Variants in RGS17 observed in about 807,000 individuals in gnomAD.
RGS17 encodes regulator of G protein signaling 17, also known as regulator of G-protein signaling 17.
A neutral mutation model predicts 25.5 loss-of-function variants in RGS17; 12 were observed. The ratio of observed to expected loss-of-function variants is 0.47; its 90% CI spans 0.30 to 0.76. The LOEUF is 0.76. Ranked by LOEUF, RGS17 falls within the 30% of genes least tolerant of loss-of-function variation. The pLI, the probability that RGS17 is intolerant of heterozygous loss-of-function variation, is 0.07. For synonymous variants in RGS17, 71 were observed against 76.9 expected, an observed-to-expected ratio of 0.92 and a Z score of 0.40; for missense variants, 196 against 242.2, an observed-to-expected ratio of 0.81 and a Z score of 1.27.
At chr6:153,088,378 A>C (rs1777081121) in intron 1 of RGS17, among the ~76,000 whole-genome samples, 1 of 152,202 alleles carries the variant, frequency 6.6e-6, no homozygotes, top group Non-Finnish European at 1.5e-5. Context: ...GTTGAGTTTG[A>C]TATAAGACTG....
chr6:153,107,265 G>A (rs1474522814), intron 1 of RGS17, among the ~76,000 whole-genome samples: 5 of 151,980 alleles, frequency 3.3e-5, no homozygotes, highest in African/African-American at 7.2e-5. Flanking sequence ...CCCGGGAGGT[G>A]GAGCTTGCAG....
At chr6:153,041,140 G>A (rs1038164139) in intron 2 of RGS17, among the ~76,000 whole-genome samples, 1 of 152,070 alleles carries the variant, frequency 6.6e-6, no homozygotes, top group Non-Finnish European at 1.5e-5. Flanking sequence ...AATCAAGCCT[G>A]CATGACAGAG....
chr6:153,070,931 AC>A (rs1776789263), intron 1 of RGS17, among the ~76,000 whole-genome samples: 1 of 150,446 alleles, frequency 6.6e-6, no homozygotes, highest in African/African-American at 2.4e-5. Context: ...GTGTATCTGT[AC>A]ATGCACATGT....
chr6:153,119,202 G>T (rs1387647521), intron 1 of RGS17, among the ~76,000 whole-genome samples: 1 of 152,020 alleles, frequency 6.6e-6, no homozygotes, highest in African/African-American at 2.4e-5. Flanking sequence ...ATTCTCTTGG[G>T]TTTGCAGTCC....
intron 1 of RGS17, among the ~76,000 whole-genome samples, chr6:153,073,373 T>C (rs150104406): frequency 2.6e-5 from 4 of 152,246 alleles, no homozygotes; most frequent in Non-Finnish European, 4.4e-5. Flanking sequence ...TGATTCAGCT[T>C]GAGGTGCCAC....
Position 153,054,116 on chromosome 6 carries a change from G to GTATA in RGS17, c.-25-10077_-25-10074dup, listed in dbSNP as rs1197939021. On this transcript the variant is annotated intron_variant, in intron 1 of 4. Transcript: ENST00000206262. ...TTTATATATATATATATATATATGT[G>GTATA]TATATATATATATATACAGCTTTAT... Among the ~76,000 whole-genome samples, 76 of 38,638 alleles carry GTATA rather than the reference G, an allele frequency of 2.0e-3. 18 individuals carry two copies. The highest frequency in any genetic ancestry group is 4.1e-3 in the South Asian group (4 of 978). The allele number at this position is 38,638 out of a possible 152,430, so 25.3% of individuals were successfully genotyped here. A position where few individuals can be genotyped will look rare whatever the true frequency, so the allele number is the denominator to read the frequency against.
At chr6:153,121,796 C>T (rs1404264329) in intron 1 of RGS17, among the ~76,000 whole-genome samples, 1 of 152,110 alleles carries the variant, frequency 6.6e-6, no homozygotes, top group Non-Finnish European at 1.5e-5. Context: ...ATTTCAGTAT[C>T]ACCTACGAGA....
At chr6:153,035,369 A>C (rs1375472948) in intron 2 of RGS17, among the ~76,000 whole-genome samples, 1 of 152,180 alleles carries the variant, frequency 6.6e-6, no homozygotes, top group Non-Finnish European at 1.5e-5. Context: ...ATTTTCACAA[A>C]AAGTGAATTT....
intron 2 of RGS17, among the ~76,000 whole-genome samples, chr6:153,029,009 T>C (rs1207103264): frequency 6.6e-6 from 1 of 152,232 alleles, no homozygotes; most frequent in African/African-American, 2.4e-5. Context: ...GGCTCTTCTA[T>C]CTGTTTCTGT....
intron 1 of RGS17, among the ~76,000 whole-genome samples, chr6:153,092,254 A>G (rs1777144073): frequency 6.6e-6 from 1 of 152,232 alleles, no homozygotes; most frequent in Non-Finnish European, 1.5e-5. Flanking sequence ...CTTTGCCTGT[A>G]TAAAATGCTG....
chr6:153,128,478 C>T (rs1777738197), intron 1 of RGS17, among the ~76,000 whole-genome samples: 1 of 152,124 alleles, frequency 6.6e-6, no homozygotes, highest in African/African-American at 2.4e-5. Flanking sequence ...TGTATTTTAG[C>T]AAACGGACTT....
At chr6:153,116,003 A>G (rs1470740356) in intron 1 of RGS17, among the ~76,000 whole-genome samples, 1 of 152,236 alleles carries the variant, frequency 6.6e-6, no homozygotes, top group African/African-American at 2.4e-5. Context: ...CATTCAGGAT[A>G]TGGGCATGGG....
intron 1 of RGS17, among the ~76,000 whole-genome samples, chr6:153,129,055 C>A (rs1207549549): frequency 6.6e-6 from 1 of 152,158 alleles, no homozygotes; most frequent in Non-Finnish European, 1.5e-5. Context: ...GGATGAGTGC[C>A]CCTGGCTCTG....
At chr6:153,013,461 G>A (rs1056233380) in intron 4 of RGS17, among the ~76,000 whole-genome samples, 3 of 151,916 alleles carry the variant, frequency 2.0e-5, no homozygotes, top group Non-Finnish European at 2.9e-5. Flanking sequence ...TTAATAACCC[G>A]CCAGTGGCCT....
Position 153,065,530 on chromosome 6 carries a change from G to C in RGS17, c.-25-21487C>G, listed in dbSNP as rs1036531939. 6.6e-5 allele frequency among the ~76,000 whole-genome samples: 10 copies of C among 152,160 alleles called. No individual in the cohort carries two copies. The East Asian group carries it at 1.7e-3, about 26-fold the overall frequency. The stretch of plus-strand genomic sequence containing the variant: ...ATTCTCAAGGATAGATCACATGTTA[G>C]GTCATAAAACAAGTCTTAAAACATT... On this transcript the variant is annotated intron_variant, in intron 1 of 4. Transcript: ENST00000206262.
chr6:153,016,217 A>G (rs1779182586), intron 4 of RGS17, among the ~76,000 whole-genome samples: 1 of 152,250 alleles, frequency 6.6e-6, no homozygotes, highest in African/African-American at 2.4e-5. Context: ...AAAAGCACAG[A>G]ATATTTTTCC....
intron 2 of RGS17, among the ~76,000 whole-genome samples, chr6:153,027,037 G>A (rs753318369): frequency 2.6e-5 from 4 of 152,096 alleles, no homozygotes; most frequent in Non-Finnish European, 5.9e-5. Context: ...CATTGTTACC[G>A]ATAATATCAT....
intron 2 of RGS17, among the ~76,000 whole-genome samples, chr6:153,027,401 G>T (rs1779314446): frequency 6.6e-6 from 1 of 152,150 alleles, no homozygotes; most frequent in Non-Finnish European, 1.5e-5. Context: ...GAGATACTAA[G>T]AAGCAGGGTA....
chr6:153,097,289 GATTT>G (rs1777229304), intron 1 of RGS17, among the ~76,000 whole-genome samples: 13 of 77,296 alleles, frequency 1.7e-4, no homozygotes, highest in African/African-American at 5.3e-4. Flanking sequence ...GCGTTTTTTT[GATTT>G]TTTTTTTTTT....
Sources: allele counts gnomAD v4.1 joint callset (sites outside exome capture counted in the v4.1 genomes callset), GRCh38; gene constraint gnomAD v4.1.1; transcripts MANE v1.5; gene names NCBI Gene and HGNC (gene_info 2026-07-23, HGNC 2026-07-21).